Variants in MTMR8 observed in about 807,000 individuals in gnomAD.
MTMR8 encodes the protein myotubularin related protein 8.
A neutral mutation model predicts 39.3 loss-of-function variants in MTMR8; 65 were observed. The ratio of observed to expected loss-of-function variants is 1.65; its 90% CI spans 1.35 to 2.03. The LOEUF (loss-of-function observed/expected upper bound fraction) is 2.03. Ranked by LOEUF, MTMR8 falls within the 30% of genes most tolerant of loss-of-function variation. The pLI, the probability that MTMR8 is intolerant of heterozygous loss-of-function variation, is 0.00. For synonymous variants in MTMR8, 245 were observed against 185.2 expected (o/e 1.32, Z -2.62); for missense variants, 777 against 538.9 (o/e 1.44, Z -4.37).
intron 12 of MTMR8, among the ~76,000 whole-genome samples, chrX:64,276,846 G>A (rs772546599): frequency 4.5e-5 from 5 of 111,033 alleles, no homozygotes; most frequent in African/African-American, 6.5e-5. Flanking sequence ...TATTGACAGC[G>A]GGGTATTAAA....
chrX:64,357,656 G>A (rs1923661189), intron 2 of MTMR8, among the ~76,000 whole-genome samples: 1 of 111,235 alleles, frequency 9.0e-6, no homozygotes, highest in African/African-American at 3.3e-5. Flanking sequence ...TCAAACTCCT[G>A]GCTTCAAGCG....
In MTMR8 at chrX:64,337,312, T is replaced by C; in HGVS notation, c.1057A>G (p.Ser353Gly). The change falls in exon 9 of 14, where the codon AGC (serine) becomes GGC (glycine). Residue 353 changes from serine to glycine, a missense_variant. Physicochemically the swap from Ser to Gly is moderately conservative, Grantham distance 56 (BLOSUM62 0). Coordinates refer to ENST00000374852, the MANE Select transcript of MTMR8 (RefSeq NM_017677.4). ...DRTAQVCSVA[S>G]ILLDPFYRTF... ...CTATAAAATGGATCTAGGAGGATGC[T>C]AGCCACTGAGCAGACTTGTGCTGTG... 6.6e-6 allele frequency: 8 copies of C among 1,210,308 alleles called. No homozygotes were observed. The highest frequency in any genetic ancestry group is 8.9e-6 in the Non-Finnish European group (8 of 894,287).
intron 12 of MTMR8, among the ~76,000 whole-genome samples, chrX:64,325,366 G>A (rs757952310): frequency 8.9e-6 from 1 of 111,770 alleles, no homozygotes; most frequent in Admixed American, 9.5e-5. Context: ...GAATATCCCT[G>A]ATGAACACAA....
At chrX:64,376,906 C>T (rs919421505) in intron 1 of MTMR8, among the ~76,000 whole-genome samples, 9 of 112,096 alleles carry the variant, frequency 8.0e-5, no homozygotes, top group Non-Finnish European at 1.7e-4. Context: ...CAGGGCCCTG[C>T]TGCCATACAC....
At chrX:64,289,482 A>C (rs1921321867) in intron 12 of MTMR8, among the ~76,000 whole-genome samples, 1 of 108,929 alleles carries the variant, frequency 9.2e-6, no homozygotes, top group Non-Finnish European at 1.9e-5. Flanking sequence ...TACAAAAATA[A>C]AATAATTAGC....
chrX:64,382,046 C>T (rs1924440570), intron 1 of MTMR8, among the ~76,000 whole-genome samples: 1 of 111,333 alleles, frequency 9.0e-6, no homozygotes, highest in African/African-American at 3.3e-5. Flanking sequence ...GTGATGCCTC[C>T]AGCTTTGTTC....
At chrX:64,300,823 CCTT>C (rs1921837331) in intron 12 of MTMR8, among the ~76,000 whole-genome samples, 1 of 107,180 alleles carries the variant, frequency 9.3e-6, no homozygotes, top group Non-Finnish European at 1.9e-5. Context: ...TTTTATTTCT[CCTT>C]CACTTATGAA....
At chrX:64,387,602 A>G (rs1924593814) in intron 1 of MTMR8, among the ~76,000 whole-genome samples, 1 of 109,042 alleles carries the variant, frequency 9.2e-6, no homozygotes, top group Non-Finnish European at 1.9e-5. Flanking sequence ...TTTCTGATAC[A>G]GTGTTATAAA....
chrX:64,308,084 T>G (rs1241431702), intron 12 of MTMR8, among the ~76,000 whole-genome samples: 1 of 111,552 alleles, frequency 9.0e-6, no homozygotes, highest in Non-Finnish European at 1.9e-5. Context: ...CACACCAACA[T>G]GGCACATGTA....
intron 12 of MTMR8, among the ~76,000 whole-genome samples, chrX:64,279,933 T>C (rs1490369491): frequency 9.0e-6 from 1 of 111,726 alleles, no homozygotes; most frequent in Non-Finnish European, 1.9e-5. Flanking sequence ...TATATCCACA[T>C]GCAAAAGAAT....
chrX:64,306,982 C>T (rs908120828), intron 12 of MTMR8, among the ~76,000 whole-genome samples: 6 of 112,085 alleles, frequency 5.4e-5, no homozygotes, highest in Admixed American at 1.9e-4. Context: ...ATGGCAGCAA[C>T]GGTGGCGGAA....
At chrX:64,324,879 G>GT (rs966340039) in intron 12 of MTMR8, among the ~76,000 whole-genome samples, 12 of 100,041 alleles carry the variant, frequency 1.2e-4, no homozygotes, top group Admixed American at 1.1e-3. Context: ...ACAAAGAGTT[G>GT]TTTTTTTGAA....
chrX:64,375,653 C>G (rs1924249597), intron 1 of MTMR8, among the ~76,000 whole-genome samples: 2 of 111,489 alleles, frequency 1.8e-5, no homozygotes, highest in Non-Finnish European at 3.8e-5. Flanking sequence ...CTTAAAGGAG[C>G]TGTTTGCCCC....
chrX:64,302,006 C>G (rs911732273), intron 12 of MTMR8, among the ~76,000 whole-genome samples: 3 of 112,518 alleles, frequency 2.7e-5, no homozygotes, highest in African/African-American at 9.7e-5. Context: ...GCAGAGGTTA[C>G]TGCTGTCTTT....
chrX:64,318,870 G>T (rs757290623), intron 12 of MTMR8, among the ~76,000 whole-genome samples: 10 of 110,351 alleles, frequency 9.1e-5, no homozygotes, highest in Admixed American at 3.9e-4. Flanking sequence ...TAGTAGAGAC[G>T]GGATTTCACC....
At chrX:64,308,320 A>ATTTTTTT (rs778962275) in intron 12 of MTMR8, among the ~76,000 whole-genome samples, 11 of 69,569 alleles carry the variant, frequency 1.6e-4, no homozygotes, top group Middle Eastern at 9.8e-3. Context: ...ACGGCTGGCT[A>ATTTTTTT]TTTTTTTTTT....
intron 12 of MTMR8, among the ~76,000 whole-genome samples, chrX:64,285,569 G>C (rs1362408834): frequency 1.8e-5 from 2 of 111,574 alleles, no homozygotes; most frequent in Non-Finnish European, 3.8e-5. Context: ...CCACATAGTT[G>C]GAAGTAAAAC....
At chrX:64,282,977 G>A (rs901797264) in intron 12 of MTMR8, among the ~76,000 whole-genome samples, 2 of 111,755 alleles carry the variant, frequency 1.8e-5, no homozygotes, top group African/African-American at 3.3e-5. Flanking sequence ...TGGACAGTGG[G>A]GGCAGGACAG....
At position 64,291,791 on chromosome X, in the gene MTMR8, C is replaced by T. The variant is rs1338212107; in HGVS notation, c.1482-20718G>A. On this transcript the variant is annotated intron_variant, in intron 12 of 13. Transcript: ENST00000374852. ...GCATTCTTCTGTACTGAATTACACT[C>T]TATATTTTCTATGGTCTCCCCCATG... 2.7e-5 allele frequency among the ~76,000 whole-genome samples: 3 copies of T among 111,539 alleles called. No individual in the cohort carries two copies. In the Admixed American group the frequency reaches 2.9e-4, roughly 11 times the overall value.
Sources: allele counts gnomAD v4.1 joint callset (sites outside exome capture counted in the v4.1 genomes callset), GRCh38; gene constraint gnomAD v4.1.1; transcripts MANE v1.5; gene names NCBI Gene and HGNC (gene_info 2026-07-23, HGNC 2026-07-21).